The following IL34 variants were observed in gnomAD, a reference collection of about 807,000 sequenced individuals.
IL34 encodes the protein interleukin-34.
IL34 carries 17 observed loss-of-function variants against 25.3 expected under a neutral mutation model. The observed-to-expected ratio is 0.67, with a 90% CI of 0.46 to 1.01. IL34 has a LOEUF of 1.01. Among genes scored for constraint, IL34 ranks in the 50% least tolerant of loss-of-function variants. IL34 has a pLI of 0.00. For missense variants in IL34, 368 were observed against 312.9 expected (o/e 1.18, Z -1.33); for synonymous variants, 174 against 140.9 (o/e 1.23, Z -1.66).
intron 1 of IL34, among the ~76,000 whole-genome samples, chr16:70,629,557 A>C (rs1247787088): frequency 6.6e-6 from 1 of 152,182 alleles, no homozygotes; most frequent in Admixed American, 6.5e-5. Context: ...AATTAAAATT[A>C]TCTCTAAATT....
At chr16:70,627,461 C>T (rs1473082571) in intron 1 of IL34, among the ~76,000 whole-genome samples, 1 of 140,646 alleles carries the variant, frequency 7.1e-6, no homozygotes, top group African/African-American at 2.8e-5. Context: ...TCCCCCTCCT[C>T]CCCCTTCCCT....
At chr16:70,609,735 C>G (rs763472245) in intron 1 of IL34, among the ~76,000 whole-genome samples, 2 of 152,104 alleles carry the variant, frequency 1.3e-5, no homozygotes, top group Non-Finnish European at 2.9e-5. Context: ...TTTGCAGAGG[C>G]CTGTTCCTGA....
chr16:70,636,567 A>T (rs1450169156), intron 1 of IL34, among the ~76,000 whole-genome samples: 2 of 149,300 alleles, frequency 1.3e-5, no homozygotes, highest in East Asian at 4.0e-4. Context: ...ACCAGCCTGG[A>T]CAACATAGCA....
intron 1 of IL34, among the ~76,000 whole-genome samples, chr16:70,623,093 T>A (rs925815058): frequency 2.6e-5 from 4 of 151,996 alleles, no homozygotes; most frequent in Non-Finnish European, 5.9e-5. Flanking sequence ...AGAATTATGC[T>A]GAGATAGGTA....
At chr16:70,581,943 A>G (rs201025507) in intron 1 of IL34, among the ~76,000 whole-genome samples, 5 of 114,306 alleles carry the variant, frequency 4.4e-5, no homozygotes, top group Admixed American at 8.5e-5. Context: ...AAAAACAAAA[A>G]CAAACAAAAA....
In IL34 at chr16:70,660,088, C is replaced by T. The variant is rs138439611; in HGVS notation, c.630C>T (p.Thr210=). Residue 210 remains threonine (T), a synonymous_variant, in exon 6 of 6, where the codon ACC becomes ACT. Transcript: ENST00000288098. ...AGCCCTCATTGCAGTATGCGGCCAC[C>T]CAGCTGTACCCTCCGCCCCCGTGGT... ...SPEPSLQYAA[T]QLYPPPPWSP... 1.4e-5 allele frequency: 23 copies of T among 1,613,606 alleles called. No homozygotes were observed. Among genetic ancestry groups the T allele is most frequent in the Non-Finnish European group, 1.6e-5 (19 of 1,179,900 alleles).
chr16:70,646,603 A>G lies in IL34; in HGVS notation c.-345A>G. Reference sequence around the variant, plus strand: ...GGAGAAATCAGAGAAAGCGTCACCCAGCCCCAGATTCCGAGGGGCCTGCCA... The same window carrying G: ...GGAGAAATCAGAGAAAGCGTCACCCGGCCCCAGATTCCGAGGGGCCTGCCA... On this transcript the variant is annotated 5_prime_UTR_variant, in exon 1 of 6. Transcript: ENST00000288098. The G allele has an allele frequency of 2.9e-6, 1 of 344,996 alleles. No individual in the cohort carries two copies. Among genetic ancestry groups the G allele is most frequent in the South Asian group, 9.0e-5 (1 of 11,164 alleles). 21.4% of individuals were successfully genotyped at this position (344,996 alleles called of 1,614,324 possible). A position where few individuals can be genotyped will look rare whatever the true frequency, so the allele number is the denominator to read the frequency against.
upstream of IL34, among the ~76,000 whole-genome samples, chr16:70,641,680 C>G (rs1163005889): frequency 1.3e-5 from 2 of 151,818 alleles, no homozygotes; most frequent in Non-Finnish European, 2.9e-5. Context: ...GATCTTCCCA[C>G]CTTAGCCTCC....
chr16:70,580,215 G>A (rs2050621858), intron 1 of IL34, among the ~76,000 whole-genome samples: 1 of 152,228 alleles, frequency 6.6e-6, no homozygotes, highest in Non-Finnish European at 1.5e-5. Context: ...GTATGCCTCA[G>A]AGAAGTATAT....
At chr16:70,641,587 A>G (rs909156115), upstream of IL34, among the ~76,000 whole-genome samples, 3 of 122,642 alleles carry the variant, frequency 2.4e-5, no homozygotes, top group African/African-American at 9.4e-5. Context: ...ACTTTTTGAG[A>G]TGGAATCTCA....
At chr16:70,587,034 C>G (rs1038126719) in intron 1 of IL34, among the ~76,000 whole-genome samples, 1 of 152,186 alleles carries the variant, frequency 6.6e-6, no homozygotes, top group African/African-American at 2.4e-5. Flanking sequence ...GGAGGCCCCT[C>G]CCAGAATGCT....
At chr16:70,642,940 G>A (rs1394159181), upstream of IL34, among the ~76,000 whole-genome samples, 1 of 152,162 alleles carries the variant, frequency 6.6e-6, no homozygotes, top group African/African-American at 2.4e-5. Flanking sequence ...GGGGGTGACT[G>A]CTAATGAGTT....
intron 2 of IL34, among the ~76,000 whole-genome samples, chr16:70,654,949 G>GAGCT (rs1481579345): frequency 1.3e-5 from 2 of 152,144 alleles, no homozygotes; most frequent in African/African-American, 2.4e-5. Flanking sequence ...TGGACACCTG[G>GAGCT]AGCTCTTTGA....
intron 1 of IL34, among the ~76,000 whole-genome samples, chr16:70,619,949 T>G (rs1399250994): frequency 3.3e-5 from 5 of 152,142 alleles, no homozygotes; most frequent in African/African-American, 1.2e-4. Flanking sequence ...GGGAGGAGGT[T>G]CTGGAGGAAC....
chr16:70,643,087 G>A (rs994676344), upstream of IL34, among the ~76,000 whole-genome samples: 18 of 151,996 alleles, frequency 1.2e-4, no homozygotes, highest in Admixed American at 5.9e-4. Flanking sequence ...TTTTTGAGAC[G>A]GATCTCACTC....
At chr16:70,634,840 C>A (rs1195079733) in intron 1 of IL34, among the ~76,000 whole-genome samples, 1 of 152,104 alleles carries the variant, frequency 6.6e-6, no homozygotes, top group Non-Finnish European at 1.5e-5. Context: ...ATGTAGTGTG[C>A]ACGCTTTTGT....
intron 1 of IL34, among the ~76,000 whole-genome samples, chr16:70,640,626 T>TA (rs149787357): frequency 0.53 from 70,049 of 131,640 alleles, 19,173 homozygotes; most frequent in African/African-American, 0.77. Flanking sequence ...TCCGTCTCAA[T>TA]AAAAAAAAAA....
intron 1 of IL34, among the ~76,000 whole-genome samples, chr16:70,601,928 G>A (rs551720224): frequency 1.3e-5 from 2 of 152,334 alleles, no homozygotes; most frequent in East Asian, 3.9e-4. Context: ...CAGGGAGACC[G>A]AAGGGCAAGG....
rs761996710 is a variant in IL34 at position 70,660,006 on chromosome 16, G to T, written c.548G>T (p.Ser183Ile). ...ELLYCSCCKQ[S>I]SVLNWQDCEV... is the part of the protein sequence containing the mutation. The stretch of plus-strand genomic sequence containing the variant: ...CCCCTATCTCTTGCAGGTAAACAAA[G>T]CTCCGTCCTAAACTGGCAGGACTGT... The change falls in exon 6 of 6, where the codon AGC (serine) becomes ATC (isoleucine). Residue 183 changes from serine to isoleucine, a missense_variant. Transcript: ENST00000288098. The T allele has an allele frequency of 3.2e-6, 5 of 1,584,856 alleles. No individual in the cohort carries two copies. The Admixed American group carries it at 7.6e-5, about 24-fold the overall frequency.
Sources: allele counts gnomAD v4.1 joint callset (sites outside exome capture counted in the v4.1 genomes callset), GRCh38; gene constraint gnomAD v4.1.1; transcripts MANE v1.5; gene names NCBI Gene and HGNC (gene_info 2026-07-23, HGNC 2026-07-21).